STAT4: variants seen among roughly 807,000 people sequenced by gnomAD.
The protein encoded by STAT4 is signal transducer and activator of transcription 4.
STAT4 carries 42 observed loss-of-function variants against 110.5 expected under a neutral mutation model. The observed-to-expected ratio is 0.38, with a 90% CI of 0.30 to 0.49. STAT4 has a LOEUF of 0.49. Among genes scored for constraint, STAT4 ranks in the 20% least tolerant of loss-of-function variants. The pLI is 0.95. For missense variants in STAT4, 632 were observed against 887.9 expected, an observed-to-expected ratio of 0.71 and a Z score of 3.66; for synonymous variants, 284 against 302.2, an observed-to-expected ratio of 0.94 and a Z score of 0.63.
rs1037636075 is a variant in STAT4 at position 191,112,081 on chromosome 2, T to C, written c.273+34532A>G. On this transcript the variant is annotated intron_variant, in intron 3 of 23. Coordinates refer to ENST00000392320, the MANE Select transcript of STAT4 (RefSeq NM_003151.4). This position sits in a 1 kb window ranked among gnomAD's most constrained non-coding sequence, Gnocchi z 4.3. ...GATTGTGATAATGGTTTCATGGGTA[T>C]ACACTTATGTCAAAACTTGTCAGAT... 6.6e-6 allele frequency among the ~76,000 whole-genome samples: 1 copy of C among 152,220 alleles called. No individual in the cohort carries two copies. The highest frequency in any genetic ancestry group is 1.5e-5 in the Non-Finnish European group (1 of 68,046).
chr2:191,054,338 T>C, intron 14 of STAT4, 152 bp downstream of exon 14: 1 of 624,562 alleles, frequency 1.6e-6, no homozygotes, highest in East Asian at 2.8e-5. Flanking sequence ...AAAAACTTCC[T>C]CATATTGTCT....
At chr2:191,095,500 C>T (rs1033567246) in intron 3 of STAT4, among the ~76,000 whole-genome samples, 8 of 152,192 alleles carry the variant, frequency 5.3e-5, no homozygotes, top group Non-Finnish European at 1.2e-4. Flanking sequence ...GAACAACATG[C>T]TCCTGAATGG....
intron 13 of STAT4, among the ~76,000 whole-genome samples, chr2:191,057,503 G>T (rs1329007398): frequency 1.3e-5 from 2 of 151,280 alleles, no homozygotes; most frequent in Non-Finnish European, 2.9e-5. Flanking sequence ...TCTGAGTCAA[G>T]GTTCAGTGCT....
chr2:191,035,237 C>G lies in STAT4; in HGVS notation c.1571-640G>C, dbSNP rs530741262. ...ACTACATGTTTAAAAGCTTTAGTCA[C>G]TCTAACAAATGTTTATTGAATGCTA... is the stretch of plus-strand genomic sequence containing the variant. On this transcript the variant is annotated intron_variant, in intron 17 of 23. Transcript: ENST00000392320. The surrounding 1 kb of genome is among the most constrained non-coding windows in gnomAD (Gnocchi z 4.7). Among the ~76,000 whole-genome samples the G allele has an allele frequency of 4.6e-5, 7 of 152,338 alleles. No individual in the cohort carries two copies. In the East Asian group the frequency reaches 9.6e-4, roughly 21 times the overall value.
intron 3 of STAT4, among the ~76,000 whole-genome samples, chr2:191,145,666 C>G (rs1367884934): frequency 6.6e-6 from 1 of 152,222 alleles, no homozygotes; most frequent in East Asian, 1.9e-4. Flanking sequence ...ATTTGTCCTT[C>G]TCACAAATGT....
chr2:191,033,823 G>A lies in STAT4; in HGVS notation c.1715+88C>T. 8 of 1,377,518 alleles carry A rather than the reference G, an allele frequency of 5.8e-6. No individual in the cohort carries two copies. Among genetic ancestry groups the A allele is most frequent in the South Asian group, 1.4e-5 (1 of 72,136 alleles). 85.3% of individuals were successfully genotyped at this position (1,377,518 alleles called of 1,614,324 possible). A position where few individuals can be genotyped will look rare whatever the true frequency, so the allele number is the denominator to read the frequency against. On this transcript the variant is annotated intron_variant, in intron 19 of 23. Coordinates refer to ENST00000392320, the MANE Select transcript of STAT4 (RefSeq NM_003151.4). The surrounding 1 kb of genome is among the most constrained non-coding windows in gnomAD (Gnocchi z 6.9). ...TATTTTTTTCTGTGGTACTAAACAT[G>A]CTTAAGAGAAAAAGAAAGAAGAAAA...
At chr2:191,048,909 A>G (rs1428483508) in intron 14 of STAT4, among the ~76,000 whole-genome samples, 3 of 150,176 alleles carry the variant, frequency 2.0e-5, no homozygotes, top group Admixed American at 6.6e-5. Context: ...TTTACATTAT[A>G]TGGTACATCA....
Position 191,036,312 on chromosome 2 carries a change from C to T in STAT4, c.1435-13G>A. Reference sequence around the variant, plus strand: ...AGAAAACCAAGTTCTGAAATAGAGTCAAGATGATAATTTGTTAATTATCTT... The same window carrying T: ...AGAAAACCAAGTTCTGAAATAGAGTTAAGATGATAATTTGTTAATTATCTT... On this transcript the variant is annotated splice_polypyrimidine_tract_variant and intron_variant, in intron 16 of 23. Coordinates refer to ENST00000392320, the MANE Select transcript of STAT4 (RefSeq NM_003151.4). 6.2e-7 allele frequency: 1 copy of T among 1,613,656 alleles called. No homozygotes were observed. The highest frequency in any genetic ancestry group is 8.5e-7 in the Non-Finnish European group (1 of 1,179,862).
chr2:191,037,557 GAT>G lies in STAT4; in HGVS notation c.1435-1260_1435-1259del, dbSNP rs1384472113. On this transcript the variant is annotated intron_variant, in intron 16 of 23. Coordinates refer to ENST00000392320, the MANE Select transcript of STAT4 (RefSeq NM_003151.4). The surrounding 1 kb of genome is among the most constrained non-coding windows in gnomAD (Gnocchi z 4.8). The stretch of plus-strand genomic sequence containing the variant: ...CTCTGTCCCAGATTACTGGAAAACA[GAT>G]GTGTGAAACTCAAGAAACATGTTTC... Among the ~76,000 whole-genome samples the G allele has an allele frequency of 1.3e-5, 2 of 152,184 alleles. No individual in the cohort carries two copies. Among genetic ancestry groups the G allele is most frequent in the African/African-American group, 4.8e-5 (2 of 41,448 alleles).
chr2:191,058,577 T>C lies in STAT4; in HGVS notation c.1094+133A>G. The stretch of plus-strand genomic sequence containing the variant: ...ATGTTTGAACTTCAAAGTCAAATAT[T>C]TGAAGTACATTCATTATATAATGTT... On this transcript the variant is annotated intron_variant, in intron 11 of 23. Coordinates refer to ENST00000392320, the MANE Select transcript of STAT4 (RefSeq NM_003151.4). This position sits in a 1 kb window ranked among gnomAD's most constrained non-coding sequence, Gnocchi z 4.3. The C allele has an allele frequency of 1.6e-6, 1 of 635,334 alleles. No homozygotes were observed. The highest frequency in any genetic ancestry group is 2.7e-6 in the Non-Finnish European group (1 of 365,164). 39.4% of individuals were successfully genotyped at this position (635,334 alleles called of 1,614,324 possible). A position where few individuals can be genotyped will look rare whatever the true frequency, so the allele number is the denominator to read the frequency against.
At chr2:191,129,090 T>C (rs1698959906) in intron 3 of STAT4, among the ~76,000 whole-genome samples, 1 of 152,170 alleles carries the variant, frequency 6.6e-6, no homozygotes, top group South Asian at 2.1e-4. Flanking sequence ...TAGAGAGTGC[T>C]CTTTAAATAT....
At position 191,083,576 on chromosome 2, in the gene STAT4, T is replaced by C. The variant is rs1018638827; in HGVS notation, c.274-7251A>G. Among the ~76,000 whole-genome samples the C allele has an allele frequency of 5.3e-5, 8 of 152,192 alleles. No individual in the cohort carries two copies. The highest frequency in any genetic ancestry group is 1.7e-4 in the African/African-American group (7 of 41,444). On this transcript the variant is annotated intron_variant, in intron 3 of 23. Coordinates refer to ENST00000392320, the MANE Select transcript of STAT4 (RefSeq NM_003151.4). This position sits in a 1 kb window ranked among gnomAD's most constrained non-coding sequence, Gnocchi z 4.6. ...ACCATACTTCTCTCAAATGTAGATA[T>C]TTATTCTTTGTGGTATCTCTGGGAT...
chr2:191,031,164 T>G lies in STAT4; in HGVS notation c.2112-84A>C, dbSNP rs183877151. Reference sequence around the variant, plus strand: ...TGACTTACTATGTCAGGAACTCATTTCTAGGGCTTCATCTATTTGTGACAT... The same window carrying G: ...TGACTTACTATGTCAGGAACTCATTGCTAGGGCTTCATCTATTTGTGACAT... On this transcript the variant is annotated intron_variant, in intron 22 of 23. Coordinates refer to ENST00000392320, the MANE Select transcript of STAT4 (RefSeq NM_003151.4). The surrounding 1 kb of genome is among the most constrained non-coding windows in gnomAD (Gnocchi z 4.8). 5 of 1,358,760 alleles carry G rather than the reference T, an allele frequency of 3.7e-6. No individual in the cohort carries two copies. In the Admixed American group the frequency reaches 8.9e-5, roughly 24 times the overall value. 84.2% of individuals were successfully genotyped at this position (1,358,760 alleles called of 1,614,324 possible).
chr2:191,057,977 T>G (rs767350556), intron 13 of STAT4, 41 bp downstream of exon 13: 8 of 1,497,162 alleles, frequency 5.3e-6, no homozygotes, highest in African/African-American at 1.4e-5. Flanking sequence ...TGTCTGATTT[T>G]GGGGAAAAAA....
At chr2:191,106,214 A>C (rs1386066830) in intron 3 of STAT4, among the ~76,000 whole-genome samples, 2 of 152,198 alleles carry the variant, frequency 1.3e-5, no homozygotes, top group African/African-American at 4.8e-5. Flanking sequence ...GTTACAAAAG[A>C]AACCGTAACC....
chr2:191,133,786 A>G (rs879826278), intron 3 of STAT4, among the ~76,000 whole-genome samples: 2 of 151,740 alleles, frequency 1.3e-5, no homozygotes, highest in Non-Finnish European at 2.9e-5. Flanking sequence ...GCTTCTAGAT[A>G]TTTATCCAAA....
chr2:191,089,138 G>A (rs6434435), intron 3 of STAT4, among the ~76,000 whole-genome samples: 28,523 of 152,050 alleles, frequency 0.19, 2,945 homozygotes, highest in African/African-American at 0.26. Flanking sequence ...GAAAATGAAA[G>A]TCACAGGCTA....
intron 4 of STAT4, among the ~76,000 whole-genome samples, chr2:191,074,854 TAA>T (rs1489905508): frequency 2.0e-5 from 3 of 152,160 alleles, no homozygotes; most frequent in Non-Finnish European, 4.4e-5. Flanking sequence ...GAGAATTTTT[TAA>T]GAGTTAAATA....
chr2:191,094,673 C>T (rs1418617230), intron 3 of STAT4, among the ~76,000 whole-genome samples: 1 of 152,100 alleles, frequency 6.6e-6, no homozygotes, highest in African/African-American at 2.4e-5. Context: ...TAGGAAGAAA[C>T]TGCATCAACT....
Sources: gnomAD v4.1 joint callset for allele counts (sites outside exome capture counted in the v4.1 genomes callset) on GRCh38, gnomAD v4.1.1 for gene constraint, Gnocchi (gnomAD v3.1) non-coding constraint, MANE v1.5 for transcripts, NCBI Gene and HGNC (gene_info 2026-07-23, HGNC 2026-07-21) for gene names.